ZBTB16: variants seen among roughly 807,000 people sequenced by gnomAD.
ZBTB16 encodes the protein zinc finger and BTB domain containing 16, also known as zinc finger and BTB domain-containing protein 16.
A neutral mutation model predicts 56.8 loss-of-function variants in ZBTB16; 8 were observed. The ratio of observed to expected loss-of-function variants is 0.14; its 90% CI spans 0.08 to 0.25. ZBTB16 has a LOEUF of 0.25. Ranked by LOEUF, ZBTB16 falls within the 10% of genes least tolerant of loss-of-function variation. ZBTB16 has a pLI of 1.00. For missense variants in ZBTB16, 625 were observed against 903.0 expected, an observed-to-expected ratio of 0.69 and a Z score of 3.95; for synonymous variants, 363 against 368.5, an observed-to-expected ratio of 0.98 and a Z score of 0.17.
chr11:114,068,001 T>A, intron 2 of ZBTB16, among the ~76,000 whole-genome samples: 1 of 133,616 alleles, frequency 7.5e-6, no homozygotes, highest in African/African-American at 2.9e-5. Flanking sequence ...GTCTGAGAAA[T>A]GCTATGGTGG....
chr11:114,109,093 C>G (rs769740045), intron 2 of ZBTB16, among the ~76,000 whole-genome samples: 2 of 152,160 alleles, frequency 1.3e-5, no homozygotes, highest in African/African-American at 2.4e-5. Context: ...GGAGCGGAGG[C>G]TTTGGGGTCA....
intron 4 of ZBTB16, among the ~76,000 whole-genome samples, chr11:114,203,509 C>T (rs1943781200): frequency 1.3e-5 from 2 of 152,092 alleles, no homozygotes; most frequent in South Asian, 4.1e-4. Context: ...GCTTTGATGG[C>T]ACCACTGTAC....
chr11:114,095,572 T>C (rs757534601), intron 2 of ZBTB16, among the ~76,000 whole-genome samples: 7 of 152,118 alleles, frequency 4.6e-5, no homozygotes, highest in Non-Finnish European at 8.8e-5. Context: ...CAATTTCTTA[T>C]ACATAGGTTA....
intron 4 of ZBTB16, among the ~76,000 whole-genome samples, chr11:114,200,327 T>G (rs1178460037): frequency 6.6e-6 from 1 of 152,194 alleles, no homozygotes; most frequent in Non-Finnish European, 1.5e-5. Flanking sequence ...ATTAAATACC[T>G]ACTGTGTCTG....
chr11:114,242,395 A>T, intron 5 of ZBTB16, 58 bp downstream of exon 5: 1 of 1,593,594 alleles, frequency 6.3e-7, no homozygotes, highest in Non-Finnish European at 8.5e-7. Flanking sequence ...GTCTATATTT[A>T]CCTCCAAGGA....
At chr11:114,223,264 C>T (rs193169601) in intron 4 of ZBTB16, among the ~76,000 whole-genome samples, 1 of 152,326 alleles carries the variant, frequency 6.6e-6, no homozygotes, top group Admixed American at 6.5e-5. Flanking sequence ...ACCAAACCCA[C>T]AAAAGCCTAT....
intron 4 of ZBTB16, among the ~76,000 whole-genome samples, chr11:114,214,720 T>C (rs955148366): frequency 1.3e-5 from 2 of 152,178 alleles, no homozygotes; most frequent in African/African-American, 2.4e-5. Context: ...TCTCATACTT[T>C]AGCCTCGTGA....
At chr11:114,149,235 A>G (rs1450749768) in intron 2 of ZBTB16, among the ~76,000 whole-genome samples, 2 of 152,176 alleles carry the variant, frequency 1.3e-5, no homozygotes, top group African/African-American at 4.8e-5. Flanking sequence ...AAGGTTATTT[A>G]ATGGATATCT....
chr11:114,081,193 C>T (rs1939743834), intron 2 of ZBTB16, among the ~76,000 whole-genome samples: 1 of 152,178 alleles, frequency 6.6e-6, no homozygotes, highest in African/African-American at 2.4e-5. Flanking sequence ...AGTTTCAGAT[C>T]TTTGTCTGTG....
chr11:114,092,722 G>T (rs971457497), intron 2 of ZBTB16, among the ~76,000 whole-genome samples: 4 of 152,110 alleles, frequency 2.6e-5, no homozygotes, highest in Non-Finnish European at 4.4e-5. Flanking sequence ...TAGGGCCGTC[G>T]TAAGGCTTAG....
chr11:114,104,822 A>G (rs911245162), intron 2 of ZBTB16, among the ~76,000 whole-genome samples: 2 of 152,190 alleles, frequency 1.3e-5, no homozygotes, highest in African/African-American at 4.8e-5. Context: ...TCTGGTACCA[A>G]AGAGAACGGT....
chr11:114,091,028 C>T (rs1457073168), intron 2 of ZBTB16, among the ~76,000 whole-genome samples: 1 of 152,184 alleles, frequency 6.6e-6, no homozygotes, highest in Non-Finnish European at 1.5e-5. Context: ...CGTACATCCT[C>T]ACACCTGGTG....
intron 2 of ZBTB16, among the ~76,000 whole-genome samples, chr11:114,065,763 G>A (rs552071524): frequency 1.1e-4 from 17 of 152,298 alleles, no homozygotes; most frequent in African/African-American, 3.6e-4. Context: ...CAGATGTCAA[G>A]TCTCTTTTCT....
At chr11:114,232,259 A>G (rs1468462084) in intron 4 of ZBTB16, among the ~76,000 whole-genome samples, 1 of 152,180 alleles carries the variant, frequency 6.6e-6, no homozygotes, top group Non-Finnish European at 1.5e-5. Flanking sequence ...CTTAGGAAGA[A>G]ACTGATTGTA....
intron 1 of ZBTB16, among the ~76,000 whole-genome samples, chr11:114,062,585 G>A (rs1023030338): frequency 6.6e-6 from 1 of 152,204 alleles, no homozygotes; most frequent in East Asian, 1.9e-4. Context: ...GTGCTTTGCA[G>A]CCCTGAGAAC....
chr11:114,152,976 G>A (rs1942313208), intron 2 of ZBTB16, among the ~76,000 whole-genome samples: 1 of 152,176 alleles, frequency 6.6e-6, no homozygotes, highest in African/African-American at 2.4e-5. Flanking sequence ...ATGTGGTGAT[G>A]GTAGTGGTGG....
At chr11:114,102,257 G>A (rs1335147185) in intron 2 of ZBTB16, among the ~76,000 whole-genome samples, 1 of 152,290 alleles carries the variant, frequency 6.6e-6, no homozygotes, top group African/African-American at 2.4e-5. Context: ...CTTTAGGAAG[G>A]CTTTCTTATC....
Position 114,090,343 on chromosome 11 carries a change from G to A in ZBTB16, c.1268+25775G>A, listed in dbSNP as rs141271251. ...CTGGTTCTATTCCCAGGGCTGTAACGTGGGGGAAGGATGGAGGAAGACAGA... is the reference window on the plus strand; with the variant it reads ...CTGGTTCTATTCCCAGGGCTGTAACATGGGGGAAGGATGGAGGAAGACAGA... On this transcript the variant is annotated intron_variant, in intron 2 of 6. Coordinates refer to ENST00000335953, the MANE Select transcript of ZBTB16 (RefSeq NM_006006.6). Among the ~76,000 whole-genome samples the A allele has an allele frequency of 1.6e-4, 25 of 152,314 alleles. No individual in the cohort carries two copies. The East Asian group carries it at 3.3e-3, about 20-fold the overall frequency.
chr11:114,190,555 G>A (rs1381416209), intron 4 of ZBTB16, among the ~76,000 whole-genome samples: 1 of 152,088 alleles, frequency 6.6e-6, no homozygotes, highest in East Asian at 1.9e-4. Context: ...AAAATCCTAA[G>A]TCGGGGACCA....
Sources: gnomAD v4.1 joint callset for allele counts (sites outside exome capture counted in the v4.1 genomes callset) on GRCh38, gnomAD v4.1.1 for gene constraint, MANE v1.5 for transcripts, NCBI Gene and HGNC (gene_info 2026-07-23, HGNC 2026-07-21) for gene names.